Variants in MCTP2 observed in about 807,000 individuals in gnomAD.
MCTP2 encodes multiple C2 and transmembrane domain-containing protein 2.
In MCTP2, 132 loss-of-function variants were observed where a neutral mutation model predicts 111.6. The observed-to-expected ratio is 1.18, with a 90% confidence interval of 1.03 to 1.37. The LOEUF (loss-of-function observed/expected upper bound fraction) is 1.37, where lower values mean the gene tolerates loss of function less well. Ranked by LOEUF, MCTP2 falls within the 40% of genes most tolerant of loss-of-function variation. The probability of loss-of-function intolerance (pLI) is 0.00; values close to 1 mark genes in which losing one functional copy is unlikely to be tolerated. For synonymous variants in MCTP2, 395 were observed against 387.7 expected (o/e 1.02, Z -0.22); for missense variants, 1,183 against 1,067.9 (o/e 1.11, Z -1.50).
intron 12 of MCTP2, among the ~76,000 whole-genome samples, chr15:94,378,741 G>T (rs1009292102): frequency 7.2e-5 from 11 of 152,186 alleles, no homozygotes; most frequent in African/African-American, 2.4e-4. Flanking sequence ...GTCTTTGCCT[G>T]TGTGATGCTG....
intron 2 of MCTP2, among the ~76,000 whole-genome samples, chr15:94,306,673 T>C (rs1567377223): frequency 6.6e-6 from 1 of 152,218 alleles, no homozygotes; most frequent in Non-Finnish European, 1.5e-5. Context: ...AAAGAAAGGA[T>C]CATTCCCCCT....
intron 14 of MCTP2, among the ~76,000 whole-genome samples, chr15:94,388,665 A>G (rs1168645686): frequency 6.6e-6 from 1 of 152,106 alleles, no homozygotes; most frequent in Non-Finnish European, 1.5e-5. Flanking sequence ...GATGCTTACA[A>G]TAGAATAGTG....
chr15:94,404,095 T>C (rs1463786136), intron 17 of MCTP2, among the ~76,000 whole-genome samples: 1 of 152,204 alleles, frequency 6.6e-6, no homozygotes, highest in Non-Finnish European at 1.5e-5. Context: ...TGACTGGCCT[T>C]GGTGATTCTC....
intron 17 of MCTP2, among the ~76,000 whole-genome samples, chr15:94,411,178 A>G (rs1277252592): frequency 6.6e-6 from 1 of 152,210 alleles, no homozygotes; most frequent in Admixed American, 6.5e-5. Flanking sequence ...ATTTAGAAAT[A>G]GGGGGACCTG....
chr15:94,425,351 A>G (rs2082831485), intron 17 of MCTP2, among the ~76,000 whole-genome samples: 1 of 152,068 alleles, frequency 6.6e-6, no homozygotes, highest in African/African-American at 2.4e-5. Context: ...GTTCTTCCCA[A>G]TTTCCTTTTC....
At chr15:94,246,457 C>G (rs2072016311) in intron 1 of MCTP2, among the ~76,000 whole-genome samples, 1 of 152,160 alleles carries the variant, frequency 6.6e-6, no homozygotes, top group Non-Finnish European at 1.5e-5. Context: ...ATAGCCTCCC[C>G]TTAAGGAGTA....
chr15:94,393,182 T>G (rs774054851), intron 14 of MCTP2, among the ~76,000 whole-genome samples: 1 of 152,022 alleles, frequency 6.6e-6, no homozygotes, highest in African/African-American at 2.4e-5. Context: ...ATTATGAAAA[T>G]AAGATTCGTG....
chr15:94,298,700 C>T lies in MCTP2; in HGVS notation c.435C>T (p.Ser145=). ...GCATCTTTGATCTTCAGAAAACTTC[C>T]CTTGGAGGGGATGCACCAGAAGAGC... ...SNGIFDLQKT[S]LGGDAPEEPE... is the part of the protein sequence containing the mutation. Residue 145 remains serine, a synonymous_variant, in exon 2 of 23, where the codon TCC becomes TCT. Coordinates refer to ENST00000357742, the MANE Select transcript of MCTP2 (RefSeq NM_001385001.1). 6.2e-7 allele frequency: 1 copy of T among 1,611,258 alleles called. No homozygotes were observed. Among genetic ancestry groups the T allele is most frequent in the South Asian group, 1.1e-5 (1 of 90,860 alleles).
chr15:94,383,422 C>A (rs2080266771), intron 12 of MCTP2, among the ~76,000 whole-genome samples: 1 of 152,242 alleles, frequency 6.6e-6, no homozygotes, highest in Admixed American at 6.5e-5. Flanking sequence ...TGGCCGCTGG[C>A]TTTCAAGGCC....
At chr15:94,308,530 G>A (rs1414439053) in intron 2 of MCTP2, among the ~76,000 whole-genome samples, 1 of 152,212 alleles carries the variant, frequency 6.6e-6, no homozygotes, top group Non-Finnish European at 1.5e-5. Context: ...ATGACAGCCT[G>A]TGGACTTGTT....
intron 17 of MCTP2, among the ~76,000 whole-genome samples, chr15:94,425,457 C>G (rs903799378): frequency 1.6e-4 from 24 of 151,588 alleles, no homozygotes; most frequent in African/African-American, 5.6e-4. Context: ...CAGGACAAGA[C>G]CAATATTGAA....
chr15:94,421,348 G>A (rs148376049), intron 17 of MCTP2, among the ~76,000 whole-genome samples: 74 of 152,252 alleles, frequency 4.9e-4, no homozygotes, highest in African/African-American at 1.5e-3. Flanking sequence ...GATCTCAGAT[G>A]CATGCCTGTA....
At chr15:94,322,884 A>T (rs1208587265) in intron 4 of MCTP2, among the ~76,000 whole-genome samples, 1 of 152,174 alleles carries the variant, frequency 6.6e-6, no homozygotes, top group Non-Finnish European at 1.5e-5. Flanking sequence ...GATGTTAGAA[A>T]GTGCTTAGAG....
intron 12 of MCTP2, among the ~76,000 whole-genome samples, chr15:94,379,056 G>GT (rs1196936486): frequency 4.6e-5 from 7 of 150,946 alleles, no homozygotes; most frequent in African/African-American, 1.5e-4. Flanking sequence ...TGAGAAGTTA[G>GT]TTTTTTGTTT....
chr15:94,393,922 C>G (rs941665028), intron 14 of MCTP2, among the ~76,000 whole-genome samples: 1 of 151,596 alleles, frequency 6.6e-6, no homozygotes. Flanking sequence ...TGGTGGCGTG[C>G]TTCTGTAATC....
At chr15:94,282,787 T>A (rs537582378) in intron 1 of MCTP2, among the ~76,000 whole-genome samples, 21 of 152,298 alleles carry the variant, frequency 1.4e-4, no homozygotes, top group Admixed American at 3.3e-4. Flanking sequence ...CTGGCTTCAT[T>A]TTTGGATGCT....
At position 94,440,269 on chromosome 15, in the gene MCTP2, G is replaced by C; in HGVS notation, c.2179G>C (p.Gly727Arg). The C allele has an allele frequency of 6.2e-7, 1 of 1,614,104 alleles. No individual in the cohort carries two copies. Among genetic ancestry groups the C allele is most frequent in the Non-Finnish European group, 8.5e-7 (1 of 1,180,006 alleles). Reference sequence around the variant, plus strand: ...CTACAATTTCATCAGACCTGTGAAAGGCAAGGTCAGCAGCATCCAGGACAG... The same window carrying C: ...CTACAATTTCATCAGACCTGTGAAACGCAAGGTCAGCAGCATCCAGGACAG... ...FVYNFIRPVKGKVSSIQDSQE... is the reference protein window; with the variant it reads ...FVYNFIRPVKRKVSSIQDSQE... The change falls in exon 18 of 23, where the codon GGC becomes CGC. Residue 727 changes from glycine to arginine, a missense_variant. Coordinates refer to ENST00000357742, the MANE Select transcript of MCTP2 (RefSeq NM_001385001.1).
chr15:94,295,774 G>T (rs879432262), intron 1 of MCTP2, among the ~76,000 whole-genome samples: 5 of 151,990 alleles, frequency 3.3e-5, no homozygotes, highest in Non-Finnish European at 5.9e-5. Context: ...AAATAGCTGG[G>T]CATGGTGGCG....
chr15:94,294,941 C>CTTTTTTTTTTTTTTTTTTTTTTTT (rs71133001), intron 1 of MCTP2, among the ~76,000 whole-genome samples: 2 of 73,988 alleles, frequency 2.7e-5, no homozygotes, highest in African/African-American at 5.7e-5. Flanking sequence ...TTTTCTTTTC[C>CTTTTTTTTTTTTTTTTTTTTTTTT]TTTTTTTTTT....
Sources: gnomAD v4.1 joint callset for allele counts (sites outside exome capture counted in the v4.1 genomes callset) on GRCh38, gnomAD v4.1.1 for gene constraint, MANE v1.5 for transcripts, NCBI Gene and HGNC (gene_info 2026-07-23, HGNC 2026-07-21) for gene names.